ZNF385D: variants seen among roughly 807,000 people sequenced by gnomAD.
ZNF385D encodes zinc finger protein 659.
In ZNF385D, 15 loss-of-function variants were observed where a neutral mutation model predicts 35.8. The observed-to-expected ratio is 0.42, with a 90% CI of 0.28 to 0.64. The LOEUF is 0.64. ZNF385D is among the 30% of genes least tolerant of loss of function. The probability of loss-of-function intolerance (pLI) is 0.23; values close to 1 mark genes in which losing one functional copy is unlikely to be tolerated. For synonymous variants in ZNF385D, 212 were observed against 186.8 expected, an observed-to-expected ratio of 1.13 and a Z score of -1.10; for missense variants, 474 against 494.6, an observed-to-expected ratio of 0.96 and a Z score of 0.39.
At position 21,563,422 on chromosome 3, in the gene ZNF385D, T is replaced by TAAGTC. The variant is rs1299231725; in HGVS notation, c.276+1147_276+1151dup. 1.6e-4 allele frequency: 24 copies of TAAGTC among 152,328 alleles called. 1 individual carries two copies. The highest frequency in any genetic ancestry group is 1.1e-3 in the Admixed American group (17 of 15,292). The allele number at this position is 152,328 out of a possible 1,614,324, so 9.4% of individuals were successfully genotyped here. ...GCAGGCAATCCACTCTTCTCTTTTT[T>TAAGTC]AAGTCAATGGATATTGTAAAATTAC... On this transcript the variant is annotated intron_variant, in intron 3 of 7. Transcript: ENST00000281523.
chr3:22,107,035 T>TTTTTG (rs1702257435), intron 3 of ZNF385D, among the ~76,000 whole-genome samples: 1 of 147,864 alleles, frequency 6.8e-6, no homozygotes, highest in African/African-American at 2.5e-5. Flanking sequence ...AGTTTTTTTT[T>TTTTTG]TTTTTTTAGA....
chr3:21,812,815 C>T (rs1299079596), intron 3 of ZNF385D, among the ~76,000 whole-genome samples: 3 of 152,202 alleles, frequency 2.0e-5, no homozygotes, highest in South Asian at 2.1e-4. Context: ...CAGAATTAAA[C>T]GTCCCTGTCT....
At chr3:22,308,475 G>A (rs1054293065) in intron 2 of ZNF385D, among the ~76,000 whole-genome samples, 2 of 151,900 alleles carry the variant, frequency 1.3e-5, no homozygotes, top group Non-Finnish European at 2.9e-5. Flanking sequence ...GAAAGACAGA[G>A]AGAAGGACAT....
chr3:22,126,773 G>A (rs1166101807), intron 3 of ZNF385D, among the ~76,000 whole-genome samples: 2 of 152,138 alleles, frequency 1.3e-5, no homozygotes, highest in African/African-American at 4.8e-5. Flanking sequence ...AATGCTGAAA[G>A]TGGAATGTTG....
chr3:22,153,589 G>A (rs777307893), intron 3 of ZNF385D, among the ~76,000 whole-genome samples: 13 of 150,504 alleles, frequency 8.6e-5, no homozygotes, highest in Non-Finnish European at 1.6e-4. Flanking sequence ...TCAGCCTCCT[G>A]AGTAGCTGGG....
At chr3:21,907,350 T>C (rs1312533556) in intron 3 of ZNF385D, among the ~76,000 whole-genome samples, 3 of 152,168 alleles carry the variant, frequency 2.0e-5, no homozygotes, top group Non-Finnish European at 4.4e-5. Flanking sequence ...AAATATAAAT[T>C]GTTACTATAA....
intron 2 of ZNF385D, among the ~76,000 whole-genome samples, chr3:21,567,018 G>C (rs575515072): frequency 6.6e-6 from 1 of 152,268 alleles, no homozygotes; most frequent in African/African-American, 2.4e-5. Flanking sequence ...GTTGTTACAT[G>C]CATCAGCAGC....
intron 1 of ZNF385D, among the ~76,000 whole-genome samples, chr3:21,725,532 C>A (rs1224052361): frequency 7.2e-5 from 11 of 152,070 alleles, no homozygotes; most frequent in Non-Finnish European, 8.8e-5. Context: ...ATACAAACTA[C>A]CATCAGAGAA....
chr3:22,016,881 G>C (rs1349701465), intron 3 of ZNF385D, among the ~76,000 whole-genome samples: 4 of 151,620 alleles, frequency 2.6e-5, no homozygotes, highest in Non-Finnish European at 5.9e-5. Context: ...TCTAATAAAA[G>C]TTTATTGAAT....
At chr3:21,522,933 C>A (rs536920980) in intron 3 of ZNF385D, among the ~76,000 whole-genome samples, 1 of 152,088 alleles carries the variant, frequency 6.6e-6, no homozygotes, top group Non-Finnish European at 1.5e-5. Context: ...CACTATCCAC[C>A]GGTAGTATTT....
rs976161393 is a variant in ZNF385D, at chr3:22,313,423, G to A, written c.106+59027C>T. On this transcript the variant is annotated intron_variant, in intron 2 of 5. Transcript: ENST00000494108. ...ATAATAAAATTTAAAAAAAGATGTAGATATAACATTTTTAAAAAAATACAA... is the reference window on the plus strand; with the variant it reads ...ATAATAAAATTTAAAAAAAGATGTAAATATAACATTTTTAAAAAAATACAA... Among the ~76,000 whole-genome samples the A allele has an allele frequency of 7.2e-5, 11 of 151,800 alleles. No individual in the cohort carries two copies. In the East Asian group the frequency reaches 1.2e-3, roughly 16 times the overall value.
chr3:21,963,721 T>C (rs1576022165), intron 3 of ZNF385D, among the ~76,000 whole-genome samples: 1 of 152,172 alleles, frequency 6.6e-6, no homozygotes, highest in Non-Finnish European at 1.5e-5. Flanking sequence ...GCAAAAGTAA[T>C]TGTGATAACC....
intron 1 of ZNF385D, among the ~76,000 whole-genome samples, chr3:21,742,839 T>G (rs556438359): frequency 2.0e-5 from 3 of 152,340 alleles, no homozygotes; most frequent in African/African-American, 7.2e-5. Flanking sequence ...ATTAAATTAT[T>G]TCTATGTAAT....
intron 2 of ZNF385D, among the ~76,000 whole-genome samples, chr3:22,358,909 G>C (rs1696278630): frequency 6.6e-6 from 1 of 151,534 alleles, no homozygotes; most frequent in African/African-American, 2.4e-5. Context: ...GGAACCATCT[G>C]TATGACTTAG....
rs757067821 is a variant in ZNF385D at position 21,421,246 on chromosome 3, C to T, written c.1156G>A (p.Ala386Thr). The T allele has an allele frequency of 9.3e-6, 15 of 1,613,904 alleles. No homozygotes were observed. Among genetic ancestry groups the T allele is most frequent in the African/African-American group, 1.3e-5 (1 of 74,902 alleles). The change falls in exon 8 of 8, where the codon GCC (alanine) becomes ACC (threonine). Residue 386 changes from alanine to threonine, a missense_variant. Transcript: ENST00000281523. ...LRPAPGPIRTAHTPVLFAPY is the reference protein window; with the variant it reads ...LRPAPGPIRTTHTPVLFAPY Reference sequence around the variant, plus strand: ...GGAGCAAACAGCACAGGAGTGTGGGCGGTCCGAATGGGTCCAGGAGCTGGC... The same window carrying T: ...GGAGCAAACAGCACAGGAGTGTGGGTGGTCCGAATGGGTCCAGGAGCTGGC...
chr3:22,035,457 A>G (rs1698255228), intron 3 of ZNF385D, among the ~76,000 whole-genome samples: 1 of 152,236 alleles, frequency 6.6e-6, no homozygotes, highest in South Asian at 2.1e-4. Flanking sequence ...AGCCCAGAGC[A>G]TAACAGAACA....
intron 2 of ZNF385D, among the ~76,000 whole-genome samples, chr3:22,217,876 A>T (rs751276743): frequency 3.3e-5 from 5 of 152,150 alleles, no homozygotes; most frequent in Non-Finnish European, 7.4e-5. Flanking sequence ...ACAATCTCCA[A>T]CTTGCAGGAA....
chr3:22,219,312 A>C (rs1043738110), intron 2 of ZNF385D, among the ~76,000 whole-genome samples: 1 of 151,998 alleles, frequency 6.6e-6, no homozygotes, highest in Admixed American at 6.6e-5. Flanking sequence ...TCTCTCCCCA[A>C]CCCTGTTCTA....
chr3:22,167,425 C>T (rs767931748), intron 3 of ZNF385D, among the ~76,000 whole-genome samples: 1 of 152,176 alleles, frequency 6.6e-6, no homozygotes, highest in African/African-American at 2.4e-5. Flanking sequence ...CCACGCATCC[C>T]CTCTCCACTG....
Sources: allele counts gnomAD v4.1 joint callset (sites outside exome capture counted in the v4.1 genomes callset), GRCh38; gene constraint gnomAD v4.1.1; transcripts MANE v1.5; gene names NCBI Gene and HGNC (gene_info 2026-07-23, HGNC 2026-07-21).